The following REV3L variants were observed in gnomAD, a reference collection of about 807,000 sequenced individuals.
The protein encoded by REV3L is DNA polymerase zeta catalytic subunit.
A neutral mutation model predicts 299.4 loss-of-function variants in REV3L; 69 were observed. That is an observed-to-expected ratio of 0.23 (90% CI 0.19 to 0.28). The LOEUF is 0.28. REV3L is among the 10% of genes least tolerant of loss of function. The pLI is 1.00. For missense variants in REV3L, 3,128 were observed against 3,693.8 expected, an observed-to-expected ratio of 0.85 and a Z score of 3.97; for synonymous variants, 1,238 against 1,271.4, an observed-to-expected ratio of 0.97 and a Z score of 0.56.
intron 31 of REV3L, among the ~76,000 whole-genome samples, chr6:111,303,701 C>CTTTTTT (rs58366929): frequency 1.6e-4 from 2 of 12,644 alleles, no homozygotes; most frequent in Non-Finnish European, 1.5e-4. Context: ...CAGACTATGA[C>CTTTTTT]TTTTTTTTTT....
Position 111,380,204 on chromosome 6 carries a change from T to C in REV3L, c.1232A>G (p.Asp411Gly), listed in dbSNP as rs923495781. ...AGCAAGAAGATGTACCAGAGCCTCA[T>C]CAGGACTACTGTCCACTATAAAACA... ...ESPVFMDSSP[D>G]EALVHLLAGL... Residue 411 changes from aspartate to glycine, a missense_variant, in exon 11 of 32, where the codon GAT becomes GGT. Coordinates refer to ENST00000368802, the MANE Select transcript of REV3L (RefSeq NM_001372078.1). The C allele has an allele frequency of 6.2e-7, 1 of 1,611,386 alleles. No individual in the cohort carries two copies. Among genetic ancestry groups the C allele is most frequent in the Non-Finnish European group, 8.5e-7 (1 of 1,177,624 alleles).
At chr6:111,386,876 C>T (rs1376876475) in intron 9 of REV3L, among the ~76,000 whole-genome samples, 1 of 151,920 alleles carries the variant, frequency 6.6e-6, no homozygotes, top group Non-Finnish European at 1.5e-5. Flanking sequence ...TGTGCGCCAC[C>T]ACGCCCGGCT....
chr6:111,300,360 T>TA lies in REV3L; in HGVS notation c.9253-205dup, dbSNP rs1238188202. ...TCTAAAGGATATTATTTTGTAAAGA[T>TA]AGAGTACAAATTTCCCTAAGGATTC... is the stretch of plus-strand genomic sequence containing the variant. On this transcript the variant is annotated intron_variant, in intron 31 of 31. Transcript: ENST00000368802. Among the ~76,000 whole-genome samples, 131 of 152,308 alleles carry TA rather than the reference T, an allele frequency of 8.6e-4. 1 individual carries two copies. The highest frequency in any genetic ancestry group is 2.8e-4 in the Non-Finnish European group (19 of 68,022).
rs1210960547 is a variant in REV3L at position 111,482,941 on chromosome 6, A to AGCAGCGGCTCCCTCC, written c.-54_-53insGGAGGGAGCCGCTGC. On this transcript the variant is annotated 5_prime_UTR_variant, in exon 1 of 32. Transcript: ENST00000368802. The stretch of plus-strand genomic sequence containing the variant: ...TCACTGGCGACCCGGCAGCGGCAGC[A>AGCAGCGGCTCCCTCC]GCAGCGGCGGCGGCTCCCTCCGCAG... 6 of 1,469,418 alleles carry AGCAGCGGCTCCCTCC rather than the reference A, an allele frequency of 4.1e-6. No homozygotes were observed. Among genetic ancestry groups the AGCAGCGGCTCCCTCC allele is most frequent in the East Asian group, 2.8e-5 (1 of 35,632 alleles). 91.0% of individuals were successfully genotyped at this position (1,469,418 alleles called of 1,614,324 possible). A position where few individuals can be genotyped will look rare whatever the true frequency, so the allele number is the denominator to read the frequency against.
At position 111,338,892 on chromosome 6, in the gene REV3L, A is replaced by G. The variant is rs530244440; in HGVS notation, c.7539-3282T>C. The stretch of plus-strand genomic sequence containing the variant: ...AGAATATAGTCTAAGAGATTTTCAC[A>G]TATTGGTTGACAGCACAGACTTTGG... On this transcript the variant is annotated intron_variant, in intron 21 of 31. Transcript: ENST00000368802. Among the ~76,000 whole-genome samples, 4 of 152,254 alleles carry G rather than the reference A, an allele frequency of 2.6e-5. No individual in the cohort carries two copies. In the East Asian group the frequency reaches 5.8e-4, roughly 22 times the overall value.
chr6:111,329,678 T>A lies in REV3L; in HGVS notation c.8095A>T (p.Met2699Leu). 1 of 1,614,038 alleles carries A rather than the reference T, an allele frequency of 6.2e-7. No individual in the cohort carries two copies. The highest frequency in any genetic ancestry group is 1.7e-5 in the Admixed American group (1 of 60,026). The change falls in exon 25 of 32, where the codon ATG becomes TTG. Residue 2699 changes from methionine (M) to leucine (L), a missense_variant. This residue lies in a region of REV3L where 53 missense variants were observed against 57.4 expected (regional missense o/e 0.92). Coordinates refer to ENST00000368802, the MANE Select transcript of REV3L (RefSeq NM_001372078.1). ...MLEEILKTRF[M>L]VKQSMKAYKQ... The stretch of plus-strand genomic sequence containing the variant: ...TAAGCCTTCATTGACTGCTTCACCA[T>A]AAATCTAGTCTTCAAAATTTCTTCA...
chr6:111,458,725 A>G (rs1039880784), intron 1 of REV3L, among the ~76,000 whole-genome samples: 4 of 152,154 alleles, frequency 2.6e-5, no homozygotes, highest in Non-Finnish European at 4.4e-5. Flanking sequence ...ACATCTAATG[A>G]AAGTAGTGAA....
chr6:111,457,022 A>G (rs922254532), intron 1 of REV3L, among the ~76,000 whole-genome samples: 2 of 152,110 alleles, frequency 1.3e-5, no homozygotes, highest in East Asian at 1.9e-4. Flanking sequence ...GCGGTCTTAA[A>G]TATTTTATGC....
At chr6:111,356,647 C>T (rs1778120192) in intron 18 of REV3L, 1 of 153,292 alleles carries the variant, frequency 6.5e-6, no homozygotes, top group South Asian at 2.1e-4. Flanking sequence ...TGGCTGGCTC[C>T]CAAGGTAGAA....
At chr6:111,423,160 T>A (rs1467097173) in intron 1 of REV3L, among the ~76,000 whole-genome samples, 1 of 152,176 alleles carries the variant, frequency 6.6e-6, no homozygotes, top group Non-Finnish European at 1.5e-5. Context: ...ACTAACTTCA[T>A]GACTATAAAG....
chr6:111,390,092 T>G lies in REV3L; in HGVS notation c.751A>C (p.Ile251Leu), dbSNP rs750443594. Residue 251 changes from isoleucine (I) to leucine (L), a missense_variant, in exon 6 of 32, where the codon ATT becomes CTT. Transcript: ENST00000368802. The stretch of plus-strand genomic sequence containing the variant: ...AGAATAATTGTGTATGAACCTTCAA[T>G]GTCCAGACGATTTAAGATATCAGCA... Reference protein sequence around the residue: ...VAADILNRLDIEAQIGGNPGL... With the variant: ...VAADILNRLDLEAQIGGNPGL... 1.9e-6 allele frequency: 3 copies of G among 1,597,536 alleles called. No individual in the cohort carries two copies. The highest frequency in any genetic ancestry group is 2.6e-6 in the Non-Finnish European group (3 of 1,165,352).
intron 1 of REV3L, chr6:111,431,818 AC>A: frequency 6.7e-6 from 4 of 598,330 alleles, no homozygotes; most frequent in Non-Finnish European, 1.2e-5. Context: ...TTATGTACAT[AC>A]TTTTTCATTC....
chr6:111,403,247 G>A (rs1427778243), intron 4 of REV3L, among the ~76,000 whole-genome samples: 15 of 152,204 alleles, frequency 9.9e-5, no homozygotes, highest in Admixed American at 9.2e-4. Flanking sequence ...TGGGAAGCTT[G>A]GGGGTGACTG....
rs142836701 is a variant in REV3L at position 111,376,092 on chromosome 6, T to C, written c.2263A>G (p.Thr755Ala). 3.1e-6 allele frequency: 5 copies of C among 1,613,716 alleles called. No individual in the cohort carries two copies. Among genetic ancestry groups the C allele is most frequent in the Non-Finnish European group, 4.2e-6 (5 of 1,179,864 alleles). ...ELLSCSGENR[T>A]MVHSLNSTAD... ...GTGCTATTAAGAGAATGCACCATAG[T>C]TCTATTCTCCCCTGAGCATGACAGT... is the stretch of plus-strand genomic sequence containing the variant. The change falls in exon 13 of 32, where the codon ACT becomes GCT. Residue 755 changes from threonine (T) to alanine (A), a missense_variant. By Grantham distance (58) the Thr-to-Ala change is moderately conservative. Around this residue, in one of 9 missense-constraint regions of REV3L, gnomAD observed 2,409 missense variants for 2,611.8 expected, o/e 0.92. Coordinates refer to ENST00000368802, the MANE Select transcript of REV3L (RefSeq NM_001372078.1).
At chr6:111,404,408 T>C (rs1162411522) in intron 4 of REV3L, among the ~76,000 whole-genome samples, 1 of 152,258 alleles carries the variant, frequency 6.6e-6, no homozygotes, top group Non-Finnish European at 1.5e-5. Flanking sequence ...AGACGACTAA[T>C]GTTGGTTCCC....
chr6:111,410,387 G>A (rs887556621), intron 3 of REV3L, among the ~76,000 whole-genome samples: 2 of 152,118 alleles, frequency 1.3e-5, no homozygotes, highest in African/African-American at 2.4e-5. Context: ...TTGTTTATAG[G>A]TTATTTATAA....
chr6:111,331,939 A>C (rs1351949210), intron 23 of REV3L, among the ~76,000 whole-genome samples, 155 bp from the exon 24 acceptor site: 1 of 152,224 alleles, frequency 6.6e-6, no homozygotes, highest in Non-Finnish European at 1.5e-5. Context: ...TTGCCTCATT[A>C]CCAAAATAGT....
chr6:111,376,011 G>A lies in REV3L; in HGVS notation c.2344C>T (p.His782Tyr), dbSNP rs919628200. ...CTGAGGCTTGGCTTTTCTGTTTTAT[G>A]TTCTTGAAATTCTTCATACCTAATT... Reference protein sequence around the residue: ...LKIRYEEFQEHKTEKPSLSQQ... With the variant: ...LKIRYEEFQEYKTEKPSLSQQ... The change falls in exon 13 of 32, where the codon CAT becomes TAT. Residue 782 changes from histidine to tyrosine, a missense_variant. This residue lies in a region of REV3L where 2,409 missense variants were observed against 2,611.8 expected (regional missense o/e 0.92). Coordinates refer to ENST00000368802, the MANE Select transcript of REV3L (RefSeq NM_001372078.1). 1.2e-6 allele frequency: 2 copies of A among 1,613,826 alleles called. No individual in the cohort carries two copies. Among genetic ancestry groups the A allele is most frequent in the Non-Finnish European group, 8.5e-7 (1 of 1,179,868 alleles).
Position 111,342,541 on chromosome 6 carries a change from G to A in REV3L, c.7538+1384C>T, listed in dbSNP as rs899678138. Among the ~76,000 whole-genome samples, 5 of 152,058 alleles carry A rather than the reference G, an allele frequency of 3.3e-5. No individual in the cohort carries two copies. In the South Asian group the frequency reaches 6.2e-4, roughly 19 times the overall value. ...AAATTAGCCAGTTGTCGTGGCGGGC[G>A]CCTGTAGTCCCAGGTACTCGGGAGG... On this transcript the variant is annotated intron_variant, in intron 21 of 31. Transcript: ENST00000368802.
Sources: gnomAD v4.1 joint callset for allele counts (sites outside exome capture counted in the v4.1 genomes callset) on GRCh38, gnomAD v4.1.1 for gene constraint, gnomAD v4.1.1 regional missense constraint, MANE v1.5 for transcripts, NCBI Gene and HGNC (gene_info 2026-07-23, HGNC 2026-07-21) for gene names.